The following EFEMP1 variants were observed in gnomAD, a reference collection of about 807,000 sequenced individuals.
EFEMP1 encodes EGF-containing fibulin-like extracellular matrix protein 1.
Under a neutral mutation model 65.7 loss-of-function variants are expected in EFEMP1, and 18 were observed. The observed-to-expected ratio is 0.27, with a 90% confidence interval of 0.19 to 0.41. The LOEUF is 0.41. Ranked by LOEUF, EFEMP1 falls within the 10% of genes least tolerant of loss-of-function variation. The pLI is 1.00. For synonymous variants in EFEMP1, 237 were observed against 219.7 expected (o/e 1.08, Z -0.70); for missense variants, 469 against 624.8 (o/e 0.75, Z 2.66).
At chr2:55,881,559 A>T (rs887752300) in intron 6 of EFEMP1, 53 bp downstream of exon 6, 13 of 1,610,726 alleles carry the variant, frequency 8.1e-6, no homozygotes, top group Non-Finnish European at 1.1e-5. Context: ...CTTGAGGTTG[A>T]AACAGTTAAG....
At position 55,867,085 on chromosome 2, in the gene EFEMP1, T is replaced by C. The variant is rs2104360130; in HGVS notation, c.1470A>G (p.Pro490=). The C allele has an allele frequency of 1.2e-6, 2 of 1,612,798 alleles. No individual in the cohort carries two copies. The highest frequency in any genetic ancestry group is 1.7e-6 in the Non-Finnish European group (2 of 1,179,878). Residue 490 remains proline, a synonymous_variant, in exon 12 of 12, where the codon CCA becomes CCG. Transcript: ENST00000355426. The surrounding 1 kb of genome is among the most constrained non-coding windows in gnomAD (Gnocchi z 4.3). The part of the protein sequence containing the change: ...SVLRLTIIVG[P]FSF ...CTCTTAGAAAAGACTAAAATGAAAA[T>C]GGCCCCACTATTATTGTCAATCTTA...
intron 5 of EFEMP1, among the ~76,000 whole-genome samples, chr2:55,912,359 A>G (rs1253268960): frequency 3.9e-5 from 6 of 152,218 alleles, no homozygotes; most frequent in Admixed American, 3.9e-4. Flanking sequence ...CTGTTTGGTA[A>G]TGACAATGCC....
Position 55,882,734 on chromosome 2 carries a change from A to G in EFEMP1, c.518-1000T>C, listed in dbSNP as rs577879041. ...CTAAGCTTCATTAACAATATCATAA[A>G]ACTTGTGATTCCTAGATGACAATTT... On this transcript the variant is annotated intron_variant, in intron 5 of 11. Transcript: ENST00000355426. Among the ~76,000 whole-genome samples the G allele has an allele frequency of 1.8e-4, 27 of 152,216 alleles. No homozygotes were observed. The South Asian group carries it at 5.4e-3, about 30-fold the overall frequency.
rs920619419 is a variant in EFEMP1, at chr2:55,873,929, G to C, written c.1000+1017C>G. ...CCTTCACTCCAACTCTGATTAAAAAGGACTCTCTACAGAAGACGTACTACT... is the reference window on the plus strand; with the variant it reads ...CCTTCACTCCAACTCTGATTAAAAACGACTCTCTACAGAAGACGTACTACT... On this transcript the variant is annotated intron_variant, in intron 9 of 11. Coordinates refer to ENST00000355426, the MANE Select transcript of EFEMP1 (RefSeq NM_001039348.3). This position sits in a 1 kb window ranked among gnomAD's most constrained non-coding sequence, Gnocchi z 4.6. Among the ~76,000 whole-genome samples the C allele has an allele frequency of 1.3e-5, 2 of 151,846 alleles. No individual in the cohort carries two copies. The highest frequency in any genetic ancestry group is 2.9e-5 in the Non-Finnish European group (2 of 67,902).
chr2:55,898,035 T>C (rs1164100824), intron 5 of EFEMP1, among the ~76,000 whole-genome samples: 1 of 152,158 alleles, frequency 6.6e-6, no homozygotes, highest in East Asian at 1.9e-4. Flanking sequence ...TAACAGACTG[T>C]TTAGACATAG....
rs1230588062 is a variant in EFEMP1 at position 55,922,718 on chromosome 2, G to A, written c.-8+181C>T. ...TGTTTACATACAAAAGACATTCAGC[G>A]TGCATTTTATACTGCACCTACAAAG... On this transcript the variant is annotated intron_variant, in intron 2 of 11. Coordinates refer to ENST00000355426, the MANE Select transcript of EFEMP1 (RefSeq NM_001039348.3). The surrounding 1 kb of genome is among the most constrained non-coding windows in gnomAD (Gnocchi z 5.5). 2.2e-6 allele frequency: 1 copy of A among 454,476 alleles called. No homozygotes were observed. The highest frequency in any genetic ancestry group is 2.0e-5 in the African/African-American group (1 of 49,246). 28.2% of individuals were successfully genotyped at this position (454,476 alleles called of 1,614,324 possible).
intron 3 of EFEMP1, among the ~76,000 whole-genome samples, 153 bp from the exon 4 acceptor site, chr2:55,918,420 C>T (rs2104453520): frequency 6.6e-6 from 1 of 151,916 alleles, no homozygotes; most frequent in African/African-American, 2.4e-5. Context: ...CATTCTATCG[C>T]TTTTTTTTCA....
chr2:55,870,605 A>G lies in EFEMP1; in HGVS notation c.1320+115T>C, dbSNP rs1572780070. ...CTTACACAATGCCTACACATAAGAC[A>G]CTTTAAATGTTTGCTTTCCTTCCAC... is the stretch of plus-strand genomic sequence containing the variant. On this transcript the variant is annotated intron_variant, in intron 11 of 11. Coordinates refer to ENST00000355426, the MANE Select transcript of EFEMP1 (RefSeq NM_001039348.3). The surrounding 1 kb of genome is among the most constrained non-coding windows in gnomAD (Gnocchi z 5.8). 3 of 1,298,662 alleles carry G rather than the reference A, an allele frequency of 2.3e-6. No individual in the cohort carries two copies. In the East Asian group the frequency reaches 7.1e-5, roughly 31 times the overall value. The allele number at this position is 1,298,662 out of a possible 1,614,324, so 80.4% of individuals were successfully genotyped here.
Position 55,915,276 on chromosome 2 carries a change from G to C in EFEMP1, c.517+2389C>G, listed in dbSNP as rs116814788. On this transcript the variant is annotated intron_variant, in intron 5 of 11. Transcript: ENST00000355426. ...GATCAATTTGGGTTGGAAATAACCT[G>C]TGTGCACACAGTCAACAGGTATGTA... Among the ~76,000 whole-genome samples, 794 of 152,234 alleles carry C rather than the reference G, an allele frequency of 5.2e-3. 3 individuals carry two copies. The highest frequency in any genetic ancestry group is 9.0e-3 in the Non-Finnish European group (614 of 68,022).
In EFEMP1 at chr2:55,876,712, C is replaced by T; in HGVS notation, c.791G>A (p.Cys264Tyr). 1 of 1,609,666 alleles carries T rather than the reference C, an allele frequency of 6.2e-7. No homozygotes were observed. The highest frequency in any genetic ancestry group is 8.5e-7 in the Non-Finnish European group (1 of 1,177,434). ...DINECDASNQ[C>Y]AQQCYNILGS... ...AAGAATGTTGTAGCACTGCTGAGCA[C>T]ATTGATTGCTGGCATCACATTCATT... is the stretch of plus-strand genomic sequence containing the variant. The change falls in exon 8 of 12, where the codon TGT (cysteine) becomes TAT (tyrosine). Residue 264 changes from cysteine (C) to tyrosine (Y), a missense_variant. Physicochemically the swap from Cys to Tyr is radical, Grantham distance 194. This residue lies in a region of EFEMP1 where 399 missense variants were observed against 528.2 expected (regional missense o/e 0.76). Coordinates refer to ENST00000355426, the MANE Select transcript of EFEMP1 (RefSeq NM_001039348.3).
chr2:55,910,549 A>G (rs1670444510), intron 5 of EFEMP1, among the ~76,000 whole-genome samples: 1 of 152,210 alleles, frequency 6.6e-6, no homozygotes, highest in Non-Finnish European at 1.5e-5. Flanking sequence ...CAGGGAATAT[A>G]GCTTGAGACT....
intron 5 of EFEMP1, among the ~76,000 whole-genome samples, chr2:55,914,503 C>T (rs1670603167): frequency 6.6e-6 from 1 of 152,046 alleles, no homozygotes; most frequent in African/African-American, 2.4e-5. Flanking sequence ...TTTAAAATAT[C>T]TAGTGGTATT....
chr2:55,889,058 T>C (rs1669537810), intron 5 of EFEMP1, among the ~76,000 whole-genome samples: 2 of 152,194 alleles, frequency 1.3e-5, no homozygotes, highest in African/African-American at 4.8e-5. Flanking sequence ...GCACTGTGAT[T>C]TGATTCTTGG....
At chr2:55,894,188 C>T (rs918426059) in intron 5 of EFEMP1, among the ~76,000 whole-genome samples, 1 of 152,014 alleles carries the variant, frequency 6.6e-6, no homozygotes, top group Non-Finnish European at 1.5e-5. Flanking sequence ...TAATTAGAAC[C>T]TACATGTAAT....
chr2:55,888,717 T>C (rs1265999818), intron 5 of EFEMP1, among the ~76,000 whole-genome samples: 1 of 152,138 alleles, frequency 6.6e-6, no homozygotes, highest in African/African-American at 2.4e-5. Context: ...CTTGTGGAGG[T>C]AAACCTGTAT....
intron 5 of EFEMP1, among the ~76,000 whole-genome samples, chr2:55,905,429 T>C (rs1670218212): frequency 6.6e-6 from 1 of 152,190 alleles, no homozygotes; most frequent in Admixed American, 6.5e-5. Flanking sequence ...TTTGATACTG[T>C]AAACAGATTT....
chr2:55,907,801 C>T (rs2104437218), intron 5 of EFEMP1, among the ~76,000 whole-genome samples: 1 of 152,288 alleles, frequency 6.6e-6, no homozygotes, highest in East Asian at 1.9e-4. Flanking sequence ...GGATTGGATT[C>T]CTTGCAACAC....
Position 55,880,985 on chromosome 2 carries a change from T to C in EFEMP1, c.640+627A>G, listed in dbSNP as rs914188806. 2.6e-5 allele frequency among the ~76,000 whole-genome samples: 4 copies of C among 152,348 alleles called. No individual in the cohort carries two copies. The East Asian group carries it at 5.8e-4, about 22-fold the overall frequency. ...CGTGCTGAACTTGGCTTTGTACTCA[T>C]GGTACCCTACAAAGGCTTGCAGTAT... On this transcript the variant is annotated intron_variant, in intron 6 of 11. Coordinates refer to ENST00000355426, the MANE Select transcript of EFEMP1 (RefSeq NM_001039348.3).
intron 5 of EFEMP1, among the ~76,000 whole-genome samples, chr2:55,889,500 C>A (rs1297904217): frequency 6.6e-6 from 1 of 152,112 alleles, no homozygotes; most frequent in African/African-American, 2.4e-5. Flanking sequence ...CCTCAGGGCC[C>A]TTATTTGCAC....
Sources: allele counts gnomAD v4.1 joint callset (sites outside exome capture counted in the v4.1 genomes callset), GRCh38; gene constraint gnomAD v4.1.1; regional missense constraint gnomAD v4.1.1; non-coding constraint Gnocchi (gnomAD v3.1); transcripts MANE v1.5; gene names NCBI Gene and HGNC (gene_info 2026-07-23, HGNC 2026-07-21).